The following ANKAR variants were observed in gnomAD, a reference collection of about 807,000 sequenced individuals.
ANKAR encodes ankyrin and armadillo repeat containing, also known as ankyrin and armadillo repeat-containing protein.
Under a neutral mutation model 146.2 loss-of-function variants are expected in ANKAR, and 136 were observed. The ratio of observed to expected loss-of-function variants is 0.93; its 90% CI spans 0.81 to 1.07. The LOEUF (loss-of-function observed/expected upper bound fraction) is 1.07, where lower values mean the gene tolerates loss of function less well. Among genes scored for constraint, ANKAR ranks in the 50% least tolerant of loss-of-function variants. The probability of loss-of-function intolerance (pLI) is 0.00; values close to 1 mark genes in which losing one functional copy is unlikely to be tolerated. For missense variants in ANKAR, 1,567 were observed against 1,679.9 expected (o/e 0.93, Z 1.18); for synonymous variants, 500 against 575.8 (o/e 0.87, Z 1.88).
intron 10 of ANKAR, among the ~76,000 whole-genome samples, chr2:189,712,517 G>T (rs2039846065): frequency 6.6e-6 from 1 of 152,196 alleles, no homozygotes; most frequent in South Asian, 2.1e-4. Context: ...CGACAGACCT[G>T]CAGCTGAGGG....
intron 19 of ANKAR, among the ~76,000 whole-genome samples, chr2:189,740,946 G>C (rs1332435288): frequency 1.3e-5 from 2 of 151,388 alleles, no homozygotes; most frequent in South Asian, 4.2e-4. Flanking sequence ...TGCCCACCTC[G>C]GTCTCCCAAA....
intron 10 of ANKAR, among the ~76,000 whole-genome samples, chr2:189,716,379 C>T (rs2040463696): frequency 6.6e-6 from 1 of 152,192 alleles, no homozygotes; most frequent in Non-Finnish European, 1.5e-5. Context: ...ATCCAACTTA[C>T]AGGGGATGTG....
chr2:189,743,333 G>A lies in ANKAR; in HGVS notation c.3869G>A (p.Arg1290His), dbSNP rs754505723. ...TTAACATACAATGCAAATGCTTTCCGCATCCTATTAAAAGAATGCAGGAAT... is the reference window on the plus strand; with the variant it reads ...TTAACATACAATGCAAATGCTTTCCACATCCTATTAAAAGAATGCAGGAAT... ...GYLTYNANAF[R>H]ILLKECRNKP... The change falls in exon 21 of 23, where the codon CGC (arginine) becomes CAC (histidine). Residue 1290 changes from arginine to histidine, a missense_variant. Arg to His is a conservative substitution (Grantham distance 29). Transcript: ENST00000684021. 37 of 1,613,766 alleles carry A rather than the reference G, an allele frequency of 2.3e-5. No individual in the cohort carries two copies. Among genetic ancestry groups the A allele is most frequent in the South Asian group, 9.9e-5 (9 of 91,066 alleles).
chr2:189,742,955 CA>C lies in ANKAR; in HGVS notation c.3811-319del, dbSNP rs2043571234. 1.5e-4 allele frequency among the ~76,000 whole-genome samples: 22 copies of C among 143,836 alleles called. No homozygotes were observed. In the South Asian group the frequency reaches 1.5e-3, roughly 10 times the overall value. 94.4% of individuals were successfully genotyped at this position (143,836 alleles called of 152,430 possible). On this transcript the variant is annotated intron_variant, in intron 20 of 22. Transcript: ENST00000684021. ...ACACACACACACACACACACACACA[CA>C]CACACACACACACACACACACACAC...
In ANKAR at chr2:189,720,606, T is replaced by G; in HGVS notation, c.2467-13T>G. On this transcript the variant is annotated splice_polypyrimidine_tract_variant and intron_variant, in intron 11 of 22. Coordinates refer to ENST00000684021, the MANE Select transcript of ANKAR (RefSeq NM_001378068.1). ...AAACAAATTCAAATGTAATTTTTTT[T>G]GTTTATTTTTAGAATGGAATCCCAA... 1 of 1,317,912 alleles carries G rather than the reference T, an allele frequency of 7.6e-7. No individual in the cohort carries two copies. The highest frequency in any genetic ancestry group is 9.8e-7 in the Non-Finnish European group (1 of 1,015,386). The allele number at this position is 1,317,912 out of a possible 1,614,324, so 81.6% of individuals were successfully genotyped here.
chr2:189,689,030 GTGTT>G (rs369476181), intron 2 of ANKAR, among the ~76,000 whole-genome samples: 284 of 152,326 alleles, frequency 1.9e-3, no homozygotes, highest in African/African-American at 6.3e-3. Flanking sequence ...CTTGAGGACA[GTGTT>G]TGTTTAACTG....
At chr2:189,694,633 A>C (rs1219288137) in intron 5 of ANKAR, among the ~76,000 whole-genome samples, 2 of 152,206 alleles carry the variant, frequency 1.3e-5, no homozygotes, top group African/African-American at 4.8e-5. Flanking sequence ...TCGAGGAGCC[A>C]GATATAGACA....
intron 7 of ANKAR, among the ~76,000 whole-genome samples, chr2:189,701,440 G>C (rs774681496): frequency 6.6e-6 from 1 of 152,060 alleles, no homozygotes; most frequent in Non-Finnish European, 1.5e-5. Context: ...TCACTATGTT[G>C]CCCAGGCTGG....
At chr2:189,699,562 CAT>C (rs904654393) in intron 7 of ANKAR, among the ~76,000 whole-genome samples, 2 of 152,126 alleles carry the variant, frequency 1.3e-5, no homozygotes, top group Non-Finnish European at 1.5e-5. Context: ...TGTGCATAAG[CAT>C]ATATATGTCA....
intron 2 of ANKAR, among the ~76,000 whole-genome samples, chr2:189,682,187 G>T (rs1006873692): frequency 6.6e-6 from 1 of 152,118 alleles, no homozygotes; most frequent in African/African-American, 2.4e-5. Context: ...TACTCAGGAG[G>T]CTGAGGCAGG....
At chr2:189,755,167 A>C in intron 18 of ANKAR, 2 of 1,594,602 alleles carry the variant, frequency 1.3e-6, no homozygotes, top group Non-Finnish European at 1.7e-6. Flanking sequence ...ATTAATTCTT[A>C]ATTACCTTGT....
At chr2:189,695,827 T>C (rs2037118136) in intron 6 of ANKAR, among the ~76,000 whole-genome samples, 1 of 152,224 alleles carries the variant, frequency 6.6e-6, no homozygotes, top group Non-Finnish European at 1.5e-5. Flanking sequence ...AGCTATATAT[T>C]TCAAATTTCT....
In ANKAR at chr2:189,676,505, C is replaced by CA; in HGVS notation, c.21dup (p.Gly8ArgfsTer4). On this transcript the variant is annotated frameshift_variant, in exon 2 of 23. Coordinates refer to ENST00000684021, the MANE Select transcript of ANKAR (RefSeq NM_001378068.1). LOFTEE classifies it high-confidence loss of function. ...TTTAATTAGAAATGTTAAGATTGCC[C>CA]AAAAAAGGATTACCTAGATTTGAGC... The CA allele has an allele frequency of 6.5e-7, 1 of 1,547,348 alleles. No homozygotes were observed. Among genetic ancestry groups the CA allele is most frequent in the Non-Finnish European group, 8.7e-7 (1 of 1,149,878 alleles).
Position 189,707,208 on chromosome 2 carries a change from CTG to C in ANKAR, c.2119+63_2119+64del, listed in dbSNP as rs1414256414. On this transcript the variant is annotated intron_variant, in intron 9 of 22. Coordinates refer to ENST00000684021, the MANE Select transcript of ANKAR (RefSeq NM_001378068.1). ...ATTATTCAGTTTAGTTATTGATACT[CTG>C]AAAGAGAGAAAATAAAATAATACAT... 4 of 849,828 alleles carry C rather than the reference CTG, an allele frequency of 4.7e-6. No homozygotes were observed. In the South Asian group the frequency reaches 1.2e-4, roughly 26 times the overall value. 52.6% of individuals were successfully genotyped at this position (849,828 alleles called of 1,614,324 possible).
chr2:189,679,765 T>C (rs1050990121), intron 2 of ANKAR, among the ~76,000 whole-genome samples: 3 of 152,228 alleles, frequency 2.0e-5, no homozygotes, highest in African/African-American at 7.2e-5. Context: ...ATATATTGAC[T>C]TGCATATGTT....
chr2:189,728,592 C>A, intron 14 of ANKAR, 68 bp from the exon 15 acceptor site: 1 of 1,550,008 alleles, frequency 6.5e-7, no homozygotes, highest in Non-Finnish European at 8.8e-7. Flanking sequence ...TGTCAGCCAC[C>A]GTGTCCTCTG....
In ANKAR at chr2:189,676,622, A is replaced by G. The variant is rs1041482038; in HGVS notation, c.132A>G (p.Gln44=). 6.2e-7 allele frequency: 1 copy of G among 1,614,070 alleles called. No homozygotes were observed. The highest frequency in any genetic ancestry group is 8.5e-7 in the Non-Finnish European group (1 of 1,179,988). Residue 44 remains glutamine (Q), a synonymous_variant, in exon 2 of 23, where the codon CAA becomes CAG. Transcript: ENST00000684021. The stretch of plus-strand genomic sequence containing the variant: ...AAAAATATGATCGGAGTGAAATACA[A>G]GAGTTACTAACTACTGCACTAGTTA... ...FFEKYDRSEI[Q]ELLTTALVSW...
At position 189,689,850 on chromosome 2, in the gene ANKAR, A is replaced by G. The variant is rs1171004139; in HGVS notation, c.925A>G (p.Ile309Val). Residue 309 changes from isoleucine (I) to valine (V), a missense_variant, in exon 3 of 23, where the codon ATC (isoleucine) becomes GTC (valine). Coordinates refer to ENST00000684021, the MANE Select transcript of ANKAR (RefSeq NM_001378068.1). ...AAAACACTTTGAGAAGAAAAAAGAT[A>G]TCAGAAGAGGGATAGGATACCTAAA... ...IQKHFEKKKD[I>V]RRGIGYLKLI... is the part of the protein sequence containing the mutation. The G allele has an allele frequency of 1.9e-6, 3 of 1,603,940 alleles. No homozygotes were observed. In the East Asian group the frequency reaches 6.7e-5, roughly 36 times the overall value.
intron 7 of ANKAR, 38 bp from the exon 8 acceptor site, chr2:189,704,985 G>A (rs1240179923): frequency 6.3e-7 from 1 of 1,588,352 alleles, no homozygotes; most frequent in Non-Finnish European, 8.6e-7. Context: ...AGGAATGGTA[G>A]TGCTGTGATC....
Sources: gnomAD v4.1 joint callset for allele counts (sites outside exome capture counted in the v4.1 genomes callset) on GRCh38, gnomAD v4.1.1 for gene constraint, MANE v1.5 for transcripts, NCBI Gene and HGNC (gene_info 2026-07-23, HGNC 2026-07-21) for gene names.